Variants in EZR observed in about 807,000 individuals in gnomAD.
The protein encoded by EZR is cytovillin 2.
EZR carries 40 observed loss-of-function variants against 74.8 expected under a neutral mutation model. The observed-to-expected ratio is 0.53, with a 90% confidence interval of 0.42 to 0.70. The LOEUF (loss-of-function observed/expected upper bound fraction) is 0.70. Ranked by LOEUF, EZR falls within the 30% of genes least tolerant of loss-of-function variation. The pLI, the probability that EZR is intolerant of heterozygous loss-of-function variation, is 0.00. For synonymous variants in EZR, 341 were observed against 283.3 expected (o/e 1.20, Z -2.05); for missense variants, 678 against 755.8 (o/e 0.90, Z 1.21).
At chr6:158,811,024 T>C (rs1777441246) in intron 2 of EZR, among the ~76,000 whole-genome samples, 1 of 152,192 alleles carries the variant, frequency 6.6e-6, no homozygotes, top group South Asian at 2.1e-4. Context: ...TGAAAAAAAT[T>C]ATGTGTATTA....
At chr6:158,808,020 A>G (rs1777380180) in intron 2 of EZR, among the ~76,000 whole-genome samples, 1 of 152,220 alleles carries the variant, frequency 6.6e-6, no homozygotes, top group Non-Finnish European at 1.5e-5. Context: ...TTGTTCACCA[A>G]TGTCTCCCCA....
At chr6:158,775,033 CCT>C (rs1791230942) in intron 8 of EZR, among the ~76,000 whole-genome samples, 1 of 92,948 alleles carries the variant, frequency 1.1e-5, no homozygotes, top group East Asian at 2.4e-4. Context: ...CAGCAGGAGC[CCT>C]TTTTTTTTTT....
chr6:158,767,845 AC>A (rs1314542919), intron 12 of EZR, among the ~76,000 whole-genome samples: 2 of 151,610 alleles, frequency 1.3e-5, no homozygotes, highest in Non-Finnish European at 2.9e-5. Flanking sequence ...CCTTCATGCC[AC>A]AGTCATTATC....
chr6:158,783,709 C>G, intron 6 of EZR, 43 bp from the exon 7 acceptor site: 1 of 1,596,892 alleles, frequency 6.3e-7, no homozygotes, highest in Non-Finnish European at 8.6e-7. Flanking sequence ...TGGTAGCACT[C>G]AATATCTAGA....
At chr6:158,813,297 T>TC (rs1271350175) in intron 2 of EZR, among the ~76,000 whole-genome samples, 1 of 152,128 alleles carries the variant, frequency 6.6e-6, no homozygotes, top group Non-Finnish European at 1.5e-5. Flanking sequence ...CATACACACT[T>TC]CATCTACTCT....
intron 2 of EZR, among the ~76,000 whole-genome samples, chr6:158,798,097 C>T (rs765389075): frequency 1.3e-5 from 2 of 152,336 alleles, no homozygotes; most frequent in Non-Finnish European, 2.9e-5. Flanking sequence ...TCTTTCATGA[C>T]TGAATCCCAT....
chr6:158,805,466 A>G (rs897374812), intron 2 of EZR, among the ~76,000 whole-genome samples: 1 of 152,112 alleles, frequency 6.6e-6, no homozygotes, highest in Admixed American at 6.5e-5. Flanking sequence ...CCTAGTTAAG[A>G]TCACATGAGC....
chr6:158,813,299 A>G (rs1232704495), intron 2 of EZR, among the ~76,000 whole-genome samples: 1 of 151,990 alleles, frequency 6.6e-6, no homozygotes, highest in Non-Finnish European at 1.5e-5. Flanking sequence ...TACACACTTC[A>G]TCTACTCTCA....
In EZR at chr6:158,784,756, A is replaced by T. The variant is rs1791525512; in HGVS notation, c.468-29T>A. 6.2e-6 allele frequency: 10 copies of T among 1,600,642 alleles called. No homozygotes were observed. The East Asian group carries it at 2.2e-4, about 36-fold the overall frequency. On this transcript the variant is annotated intron_variant, in intron 5 of 13. Coordinates refer to ENST00000367075, the MANE Select transcript of EZR (RefSeq NM_001111077.2). ...GAATGCAAAAGGAAACAGCACTGTC[A>T]TCCTTAAGGAATGTGACAGGCAAGG...
chr6:158,784,486 A>C (rs905543520), intron 6 of EZR, among the ~76,000 whole-genome samples, 158 bp downstream of exon 6: 1 of 152,082 alleles, frequency 6.6e-6, no homozygotes, highest in South Asian at 2.1e-4. Flanking sequence ...TTTAAAAAAA[A>C]CCTCTTCCCT....
At position 158,811,218 on chromosome 6, in the gene EZR, A is replaced by G. The variant is rs552854841; in HGVS notation, c.12+6864T>C. On this transcript the variant is annotated intron_variant, in intron 2 of 13. Transcript: ENST00000367075. ...TCAACACACATTTACTGCTGAAATT[A>G]AAAACTAATTGGAGTACTTGGGGAG... 2.3e-4 allele frequency among the ~76,000 whole-genome samples: 35 copies of G among 152,374 alleles called. 1 individual carries two copies. The South Asian group carries it at 6.8e-3, about 30-fold the overall frequency.
chr6:158,815,902 T>G (rs1371541254), intron 2 of EZR, among the ~76,000 whole-genome samples: 1 of 152,242 alleles, frequency 6.6e-6, no homozygotes, highest in Non-Finnish European at 1.5e-5. Context: ...CTATCTTCAC[T>G]TTATCAAATG....
At chr6:158,791,177 TACA>T (rs776272467) in intron 2 of EZR, among the ~76,000 whole-genome samples, 3 of 152,068 alleles carry the variant, frequency 2.0e-5, no homozygotes, top group Non-Finnish European at 2.9e-5. Context: ...CCCCGACTGG[TACA>T]ACAAGTACAG....
chr6:158,816,999 C>G (rs377362678), intron 2 of EZR, among the ~76,000 whole-genome samples: 1 of 152,076 alleles, frequency 6.6e-6, no homozygotes, highest in Non-Finnish European at 1.5e-5. Flanking sequence ...GCAGGAGATT[C>G]GCTTGAACCT....
intron 12 of EZR, 124 bp downstream of exon 12, chr6:158,769,202 A>G: frequency 1.4e-6 from 1 of 700,464 alleles, no homozygotes. Context: ...AGAAGCTTCC[A>G]GTGGGATGTG....
intron 8 of EZR, among the ~76,000 whole-genome samples, chr6:158,773,014 T>C (rs1179288709): frequency 6.6e-6 from 1 of 152,140 alleles, no homozygotes; most frequent in Non-Finnish European, 1.5e-5. Context: ...TGTTAAGTCA[T>C]TGGGTTTCCC....
At chr6:158,803,634 T>C (rs1409944119) in intron 2 of EZR, among the ~76,000 whole-genome samples, 6 of 33,438 alleles carry the variant, frequency 1.8e-4, no homozygotes, top group Non-Finnish European at 2.6e-4. Flanking sequence ...TACATATACA[T>C]ACATATATAT....
chr6:158,780,583 ACCCTTT>A (rs1705622668), intron 7 of EZR, among the ~76,000 whole-genome samples: 1 of 152,156 alleles, frequency 6.6e-6, no homozygotes, highest in South Asian at 2.1e-4. Context: ...CTCCCCGTGC[ACCCTTT>A]CCCTTTAAGG....
At chr6:158,772,499 C>T (rs543425303) in intron 8 of EZR, among the ~76,000 whole-genome samples, 9 of 152,228 alleles carry the variant, frequency 5.9e-5, no homozygotes, top group East Asian at 1.9e-4. Flanking sequence ...ACACACACAG[C>T]GGTCACTCCA....
Sources: allele counts gnomAD v4.1 joint callset (sites outside exome capture counted in the v4.1 genomes callset), GRCh38; gene constraint gnomAD v4.1.1; transcripts MANE v1.5; gene names NCBI Gene and HGNC (gene_info 2026-07-23, HGNC 2026-07-21).